The following TBC1D22B variants were observed in gnomAD, a reference collection of about 807,000 sequenced individuals.
TBC1D22B encodes the protein chromosome 6 open reading frame 197.
A neutral mutation model predicts 69.1 loss-of-function variants in TBC1D22B; 32 were observed. The observed-to-expected ratio is 0.46, with a 90% CI of 0.35 to 0.62. TBC1D22B has a LOEUF of 0.62. Among genes scored for constraint, TBC1D22B ranks in the 20% least tolerant of loss-of-function variants. The probability of loss-of-function intolerance (pLI) is 0.00; values close to 1 mark genes in which losing one functional copy is unlikely to be tolerated. For missense variants in TBC1D22B, 462 were observed against 630.9 expected (o/e 0.73, Z 2.87); for synonymous variants, 206 against 229.8 (o/e 0.90, Z 0.94).
At chr6:37,324,708 C>A (rs1364549415) in intron 12 of TBC1D22B, among the ~76,000 whole-genome samples, 1 of 151,934 alleles carries the variant, frequency 6.6e-6, no homozygotes, top group African/African-American at 2.4e-5. Flanking sequence ...TCTTTTATGA[C>A]TTCTCTTCTT....
In TBC1D22B at chr6:37,257,989, T is replaced by G. The variant is rs756764309; in HGVS notation, c.56+16T>G. On this transcript the variant is annotated intron_variant, in intron 1 of 12. Transcript: ENST00000373491. ...TGCCGGGGAGGTGAGCCCAGGACGC[T>G]GAGAGGGATAGGGGATTGGACCAAA... The G allele has an allele frequency of 6.2e-7, 1 of 1,613,688 alleles. No individual in the cohort carries two copies. The highest frequency in any genetic ancestry group is 1.3e-5 in the African/African-American group (1 of 75,032).
chr6:37,330,414 A>G (rs1371925621), intron 12 of TBC1D22B, among the ~76,000 whole-genome samples: 2 of 151,610 alleles, frequency 1.3e-5, no homozygotes, highest in African/African-American at 4.8e-5. Context: ...AATTGTTTGT[A>G]TTTTTAGTAG....
chr6:37,284,953 G>A (rs195751), intron 6 of TBC1D22B, among the ~76,000 whole-genome samples: 128,177 of 152,182 alleles, frequency 0.84, 54,297 homozygotes, highest in South Asian at 0.91. Flanking sequence ...CAGCTGCACT[G>A]CTGTTTTGGC....
At chr6:37,290,950 A>G (rs1305886865) in intron 7 of TBC1D22B, among the ~76,000 whole-genome samples, 5 of 152,198 alleles carry the variant, frequency 3.3e-5, no homozygotes, top group African/African-American at 4.8e-5. Context: ...CATTCATCCC[A>G]AATGTTTTCT....
intron 12 of TBC1D22B, among the ~76,000 whole-genome samples, chr6:37,322,743 G>A (rs868059293): frequency 6.6e-6 from 1 of 152,214 alleles, no homozygotes; most frequent in African/African-American, 2.4e-5. Flanking sequence ...ACAGGAACTG[G>A]TTGAGTGAGT....
At chr6:37,271,666 A>C (rs1009175519) in intron 2 of TBC1D22B, among the ~76,000 whole-genome samples, 1 of 152,242 alleles carries the variant, frequency 6.6e-6, no homozygotes, top group Admixed American at 6.5e-5. Context: ...AATACCTAGA[A>C]GAATGCTATA....
chr6:37,284,563 C>T lies in TBC1D22B; in HGVS notation c.801+99C>T, dbSNP rs138111459. The T allele has an allele frequency of 7.3e-5, 97 of 1,335,650 alleles. 1 individual carries two copies. The East Asian group carries it at 1.8e-3, about 25-fold the overall frequency. The allele number at this position is 1,335,650 out of a possible 1,614,324, so 82.7% of individuals were successfully genotyped here. A position where few individuals can be genotyped will look rare whatever the true frequency, so the allele number is the denominator to read the frequency against. ...GGTACAGGCTTTCCAAGTCTTCAGGCTGTGGTATATTGGTTAGGAGTTAAA... is the reference window on the plus strand; with the variant it reads ...GGTACAGGCTTTCCAAGTCTTCAGGTTGTGGTATATTGGTTAGGAGTTAAA... On this transcript the variant is annotated intron_variant, in intron 6 of 12. Coordinates refer to ENST00000373491, the MANE Select transcript of TBC1D22B (RefSeq NM_017772.4).
At chr6:37,305,348 G>T (rs997890466) in intron 8 of TBC1D22B, among the ~76,000 whole-genome samples, 5 of 152,168 alleles carry the variant, frequency 3.3e-5, no homozygotes, top group African/African-American at 4.8e-5. Flanking sequence ...TACATGCACA[G>T]TTCGATGAAT....
In TBC1D22B at chr6:37,331,385, G is replaced by A; in HGVS notation, c.*213G>A. 1.9e-6 allele frequency: 1 copy of A among 522,184 alleles called. No homozygotes were observed. The highest frequency in any genetic ancestry group is 3.3e-5 in the East Asian group (1 of 30,054). The allele number at this position is 522,184 out of a possible 1,614,324, so 32.3% of individuals were successfully genotyped here. The stretch of plus-strand genomic sequence containing the variant: ...GTCAGTATTCCATGCCGCGTGGATG[G>A]GCCCAGTTCTGGGAGAGGACAGAAA... On this transcript the variant is annotated 3_prime_UTR_variant, in exon 13 of 13. Transcript: ENST00000373491.
intron 1 of TBC1D22B, among the ~76,000 whole-genome samples, chr6:37,267,773 C>G (rs1399319164): frequency 6.6e-6 from 1 of 151,746 alleles, no homozygotes; most frequent in Non-Finnish European, 1.5e-5. Flanking sequence ...GTTTTATTTT[C>G]TGTCGTAAAA....
chr6:37,307,166 C>G (rs898354623), intron 8 of TBC1D22B, among the ~76,000 whole-genome samples: 1 of 152,138 alleles, frequency 6.6e-6, no homozygotes, highest in African/African-American at 2.4e-5. Context: ...TTATATATAG[C>G]GCTTGAACCA....
rs182985627 is a variant in TBC1D22B, at chr6:37,263,008, A to T, written c.56+5035A>T. Among the ~76,000 whole-genome samples the T allele has an allele frequency of 9.9e-5, 15 of 152,266 alleles. No individual in the cohort carries two copies. In the East Asian group the frequency reaches 2.7e-3, roughly 27 times the overall value. On this transcript the variant is annotated intron_variant, in intron 1 of 12. Transcript: ENST00000373491. ...TATTCCATGGCATTCTTTTCTCTGC[A>T]TATGTGGTGTGATTTCTTCGAGATG...
At chr6:37,284,510 T>C (rs369059696) in intron 6 of TBC1D22B, 46 bp downstream of exon 6, 7 of 1,518,362 alleles carry the variant, frequency 4.6e-6, no homozygotes, top group Non-Finnish European at 5.3e-6. Flanking sequence ...TCATATACTT[T>C]AGGTATGTCT....
At chr6:37,303,137 C>A (rs1036674791) in intron 8 of TBC1D22B, among the ~76,000 whole-genome samples, 6 of 152,202 alleles carry the variant, frequency 3.9e-5, no homozygotes, top group African/African-American at 1.4e-4. Flanking sequence ...CGTGGGCACA[C>A]CTAGCAGCAA....
intron 2 of TBC1D22B, among the ~76,000 whole-genome samples, chr6:37,273,785 A>G (rs6917221): frequency 0.012 from 1,839 of 152,256 alleles, 31 homozygotes; most frequent in Middle Eastern, 0.044. Flanking sequence ...ACAATTTCAG[A>G]TTGTTGCCAT....
intron 8 of TBC1D22B, among the ~76,000 whole-genome samples, chr6:37,301,011 T>C (rs1767552178): frequency 6.6e-6 from 1 of 152,178 alleles, no homozygotes; most frequent in Admixed American, 6.5e-5. Context: ...ACTCTGTCTG[T>C]TTCTATGTTT....
At position 37,263,724 on chromosome 6, in the gene TBC1D22B, C is replaced by T. The variant is rs552625597; in HGVS notation, c.56+5751C>T. Among the ~76,000 whole-genome samples the T allele has an allele frequency of 3.9e-5, 6 of 152,310 alleles. No homozygotes were observed. The East Asian group carries it at 5.8e-4, about 15-fold the overall frequency. On this transcript the variant is annotated intron_variant, in intron 1 of 12. Coordinates refer to ENST00000373491, the MANE Select transcript of TBC1D22B (RefSeq NM_017772.4). ...TTGGCCTCCCGAGTAGCTGGGACTA[C>T]AGATGCGTGCCACCACACCCAGCTA...
At chr6:37,261,398 C>T (rs909867364) in intron 1 of TBC1D22B, among the ~76,000 whole-genome samples, 1 of 147,922 alleles carries the variant, frequency 6.8e-6, no homozygotes, top group East Asian at 2.0e-4. Context: ...CGTCACTCCA[C>T]TCCAGCCTGG....
chr6:37,327,148 G>T (rs1352128650), intron 12 of TBC1D22B, among the ~76,000 whole-genome samples: 1 of 152,174 alleles, frequency 6.6e-6, no homozygotes, highest in Non-Finnish European at 1.5e-5. Context: ...GGGGGTGGGG[G>T]CATGTAGTAT....
Sources: allele counts gnomAD v4.1 joint callset (sites outside exome capture counted in the v4.1 genomes callset), GRCh38; gene constraint gnomAD v4.1.1; transcripts MANE v1.5; gene names NCBI Gene and HGNC (gene_info 2026-07-23, HGNC 2026-07-21).